NBPF12: variants seen among roughly 807,000 people sequenced by gnomAD.
NBPF12 encodes the protein NBPF member 12.
A neutral mutation model predicts 146.4 loss-of-function variants in NBPF12; 115 were observed. The observed-to-expected ratio is 0.79, with a 90% CI of 0.68 to 0.92. The LOEUF (loss-of-function observed/expected upper bound fraction) is 0.92. Ranked by LOEUF, NBPF12 falls within the 40% of genes least tolerant of loss-of-function variation. The pLI, the probability that NBPF12 is intolerant of heterozygous loss-of-function variation, is 0.00. For synonymous variants in NBPF12, 385 were observed against 508.9 expected, an observed-to-expected ratio of 0.76 and a Z score of 3.28; for missense variants, 1,205 against 1,326.8, an observed-to-expected ratio of 0.91 and a Z score of 1.43.
intron 10 of NBPF12, 26 bp downstream of exon 13, chr1:146,968,576 A>G (rs1656352913): frequency 1.3e-6 from 2 of 1,551,710 alleles, no homozygotes; most frequent in South Asian, 2.2e-5. Flanking sequence ...GGGGGCAGGC[A>G]GGGGGGCAGG....
At chr1:146,971,424 CT>C (rs1656603896) in intron 13 of NBPF12, 30 bp downstream of exon 16, 1 of 1,571,528 alleles carries the variant, frequency 6.4e-7, no homozygotes, top group Non-Finnish European at 8.7e-7. Context: ...TGTCTCATAC[CT>C]CTGTCTAGGC....
upstream of NBPF12, among the ~76,000 whole-genome samples, chr1:146,945,296 GC>G (rs1184943665): frequency 1.3e-5 from 2 of 151,212 alleles, no homozygotes; most frequent in Non-Finnish European, 2.9e-5. Context: ...GGTCCTCCCA[GC>G]CTCCTCCTCC....
chr1:146,982,783 G>A (rs1286398580), intron 19 of NBPF12, 145 bp from the exon 23 acceptor site: 7 of 1,313,484 alleles, frequency 5.3e-6, no homozygotes, highest in Non-Finnish European at 6.4e-6. Flanking sequence ...TATTTAGAAG[G>A]ATAGTTTTAT....
intron 1 of NBPF12, among the ~76,000 whole-genome samples, chr1:146,941,737 G>A: frequency 1.6e-5 from 2 of 127,920 alleles, no homozygotes; most frequent in Middle Eastern, 4.8e-3. Flanking sequence ...CTGGTTGACA[G>A]AGCAAGACTC....
chr1:146,958,000 T>C lies in NBPF12; in HGVS notation c.-183-1859T>C, dbSNP rs1416082430. On this transcript the variant is annotated intron_variant, in intron 2 of 33. Coordinates refer to ENST00000617844, the Ensembl canonical transcript of NBPF12. ...ATATATGTGTGTGTATATATATATA[T>C]ACATGTGTATATATAAATAATACAT... Among the ~76,000 whole-genome samples, 60 of 123,392 alleles carry C rather than the reference T, an allele frequency of 4.9e-4. 9 individuals are homozygous for C. The highest frequency in any genetic ancestry group is 1.6e-3 in the African/African-American group (56 of 35,896). The allele number at this position is 123,392 out of a possible 152,430, so 80.9% of individuals were successfully genotyped here. A position where few individuals can be genotyped will look rare whatever the true frequency, so the allele number is the denominator to read the frequency against.
chr1:146,972,679 C>T lies in NBPF12; in HGVS notation c.1592-72C>T, dbSNP rs1656731809. The stretch of plus-strand genomic sequence containing the variant: ...GTAGACAAGGCTACCAGTGACATCC[C>T]TCAGTCCTGATTAAGCCTATTTCAT... On this transcript the variant is annotated intron_variant, in intron 13 of 33. Transcript: ENST00000617844. The T allele has an allele frequency of 2.7e-4, 335 of 1,226,774 alleles. 9 individuals carry two copies. The South Asian group carries it at 3.7e-3, about 14-fold the overall frequency. 76.0% of individuals were successfully genotyped at this position (1,226,774 alleles called of 1,614,324 possible). A position where few individuals can be genotyped will look rare whatever the true frequency, so the allele number is the denominator to read the frequency against.
rs1202474279 is a variant in NBPF12, at chr1:146,962,160, G to A, written c.176-1G>A. 1.9e-6 allele frequency: 3 copies of A among 1,608,682 alleles called. No homozygotes were observed. The Admixed American group carries it at 5.0e-5, about 27-fold the overall frequency. ...GGCAGGCGTGTCTGTCTTTTTCTCA[G>A]AGTATGAAGAGTGTAAAGACCTCAT... On this transcript the variant is annotated splice_acceptor_variant, in intron 4 of 33. Coordinates refer to ENST00000617844, the Ensembl canonical transcript of NBPF12. LOFTEE classifies it high-confidence loss of function.
chr1:146,968,134 T>G (rs1318400085), intron 9 of NBPF12, among the ~76,000 whole-genome samples: 12 of 147,798 alleles, frequency 8.1e-5, no homozygotes, highest in South Asian at 4.5e-4. Context: ...AGGCTGCAAG[T>G]CTTGGGAAAG....
intron 17 of NBPF12, among the ~76,000 whole-genome samples, 193 bp downstream of exon 20, chr1:146,977,194 G>C (rs1657097218): frequency 7.0e-6 from 1 of 143,736 alleles, no homozygotes; most frequent in South Asian, 2.4e-4. Flanking sequence ...TGTCATGTCT[G>C]CACCGTACAG....
At chr1:146,967,756 C>T (rs1302542595) in intron 9 of NBPF12, among the ~76,000 whole-genome samples, 4 of 150,348 alleles carry the variant, frequency 2.7e-5, no homozygotes, top group African/African-American at 7.4e-5. Context: ...ATACCTACCT[C>T]TGTAAATTGC....
At chr1:146,974,085 A>G (rs1656834853) in intron 14 of NBPF12, among the ~76,000 whole-genome samples, 1 of 150,470 alleles carries the variant, frequency 6.6e-6, no homozygotes, top group African/African-American at 2.5e-5. Flanking sequence ...TTTCTTGTCA[A>G]TCTCCTAGAA....
intron 14 of NBPF12, 35 bp downstream of exon 17, chr1:146,972,995 G>C (rs1364306106): frequency 1.1e-6 from 1 of 887,048 alleles, no homozygotes; most frequent in Non-Finnish European, 1.9e-6. Context: ...TGAAAGTGAT[G>C]AACGAAGTCC....
At chr1:146,981,404 G>A (rs1657382182) in intron 19 of NBPF12, among the ~76,000 whole-genome samples, 1 of 150,692 alleles carries the variant, frequency 6.6e-6, no homozygotes, top group Admixed American at 6.6e-5. Context: ...TGGCTTGTAG[G>A]GTTTGTGCCA....
At chr1:146,952,817 G>A (rs1228380667) in intron 2 of NBPF12, among the ~76,000 whole-genome samples, 2 of 150,924 alleles carry the variant, frequency 1.3e-5, no homozygotes, top group Non-Finnish European at 2.9e-5. Flanking sequence ...GGTGAGGTCC[G>A]TATTTCTTCC....
chr1:146,970,484 G>T (rs1321311607), intron 11 of NBPF12, among the ~76,000 whole-genome samples, 163 bp from the exon 15 acceptor site: 4 of 151,260 alleles, frequency 2.6e-5, no homozygotes, highest in Non-Finnish European at 4.4e-5. Context: ...TTGCCTGATG[G>T]ACCAGGAAAC....
In NBPF12 at chr1:146,971,113, C is replaced by G. The variant is rs1228984818; in HGVS notation, c.1380-70C>G. On this transcript the variant is annotated intron_variant, in intron 12 of 33. Transcript: ENST00000617844. ...TCTTAATGCCGCTTGTCAAAACCAG[C>G]TAGGACTCCTTGGGGTCCAATCCCT... The G allele has an allele frequency of 1.1e-3, 1,729 of 1,605,668 alleles. 57 individuals are homozygous for G. The African/African-American group carries it at 0.019, about 18-fold the overall frequency.
chr1:146,969,859 A>G (rs1246688056), intron 11 of NBPF12, among the ~76,000 whole-genome samples: 10 of 151,040 alleles, frequency 6.6e-5, no homozygotes. Context: ...TTTAAAGGAC[A>G]GGAAGGAGGC....
intron 12 of NBPF12, 57 bp from the exon 16 acceptor site, chr1:146,971,126 G>A (rs1326643528): frequency 1.9e-6 from 3 of 1,608,398 alleles, no homozygotes; most frequent in Non-Finnish European, 2.5e-6. Context: ...GGACTCCTTG[G>A]GGTCCAATCC....
chr1:146,970,816 G>C, intron 12 of NBPF12, 97 bp downstream of exon 15: 1 of 1,117,240 alleles, frequency 9.0e-7, no homozygotes, highest in Non-Finnish European at 1.4e-6. Flanking sequence ...CCAAAAGCCC[G>C]CATTCCCTTG....
Sources: gnomAD v4.1 joint callset for allele counts (sites outside exome capture counted in the v4.1 genomes callset) on GRCh38, gnomAD v4.1.1 for gene constraint, MANE v1.5 for transcripts, NCBI Gene and HGNC (gene_info 2026-07-23, HGNC 2026-07-21) for gene names.